PRKG2: variants seen among roughly 807,000 people sequenced by gnomAD.
PRKG2 encodes protein kinase cGMP-dependent 2.
Under a neutral mutation model 97.2 loss-of-function variants are expected in PRKG2, and 33 were observed. That is an observed-to-expected ratio of 0.34 (90% CI 0.26 to 0.45). PRKG2 has a LOEUF of 0.45. Among genes scored for constraint, PRKG2 ranks in the 20% least tolerant of loss-of-function variants. PRKG2 has a pLI of 1.00. For synonymous variants in PRKG2, 330 were observed against 321.8 expected (o/e 1.03, Z -0.27); for missense variants, 638 against 900.0 (o/e 0.71, Z 3.73).
chr4:81,168,390 A>G (rs1399573510), intron 5 of PRKG2, among the ~76,000 whole-genome samples: 3 of 152,148 alleles, frequency 2.0e-5, no homozygotes, highest in Non-Finnish European at 4.4e-5. Context: ...AGGGAAGGAA[A>G]GAATGAATAT....
At position 81,171,735 on chromosome 4, in the gene PRKG2, T is replaced by TC; in HGVS notation, c.697dup (p.Glu233GlyfsTer21). 6.2e-7 allele frequency: 1 copy of TC among 1,610,508 alleles called. No individual in the cohort carries two copies. On this transcript the variant is annotated frameshift_variant, in exon 4 of 19. Transcript: ENST00000264399. LOFTEE classifies it high-confidence loss of function. ...TGTACAATTGTATAAAATGGCAAGC[T>TC]CCCCAAATGTGGTCCACATAGGGAT...
At chr4:81,187,522 CAA>C (rs576895242) in intron 2 of PRKG2, among the ~76,000 whole-genome samples, 44 of 152,212 alleles carry the variant, frequency 2.9e-4, no homozygotes, top group Middle Eastern at 6.8e-3. Context: ...ACTGAATGGG[CAA>C]AATCTGGAAG....
At chr4:81,178,076 T>G (rs922710809) in intron 2 of PRKG2, among the ~76,000 whole-genome samples, 2 of 135,328 alleles carry the variant, frequency 1.5e-5, no homozygotes, top group African/African-American at 5.3e-5. Flanking sequence ...CCTGGGTGTC[T>G]ACCTGGGGTC....
Position 81,159,298 on chromosome 4 carries a change from G to A in PRKG2, c.913-5577C>T, listed in dbSNP as rs181987169. On this transcript the variant is annotated intron_variant, in intron 6 of 18. Transcript: ENST00000264399. ...ACAACCCCATCAAAAAGTGGGCAAC[G>A]GATATGAACAGACACTTCTCAAAAG... Among the ~76,000 whole-genome samples the A allele has an allele frequency of 2.2e-4, 34 of 152,132 alleles. No individual in the cohort carries two copies. The East Asian group carries it at 5.0e-3, about 22-fold the overall frequency.
intron 1 of PRKG2, among the ~76,000 whole-genome samples, chr4:81,211,341 A>G (rs1753962340): frequency 1.3e-5 from 2 of 152,224 alleles, no homozygotes; most frequent in African/African-American, 4.8e-5. Flanking sequence ...TAAAATTTCT[A>G]CAATATAGAA....
chr4:81,195,781 G>A (rs368710630), intron 2 of PRKG2, among the ~76,000 whole-genome samples: 18 of 152,114 alleles, frequency 1.2e-4, no homozygotes, highest in African/African-American at 3.4e-4. Flanking sequence ...TGACGGACAC[G>A]GGGTTGTTTC....
At chr4:81,114,468 A>G (rs1744301853) in intron 14 of PRKG2, among the ~76,000 whole-genome samples, 1 of 152,152 alleles carries the variant, frequency 6.6e-6, no homozygotes, top group African/African-American at 2.4e-5. Flanking sequence ...ATTGATGAGG[A>G]AGTAGAAGGT....
At chr4:81,099,391 T>C (rs1166348230) in intron 17 of PRKG2, among the ~76,000 whole-genome samples, 3 of 152,162 alleles carry the variant, frequency 2.0e-5, no homozygotes, top group Admixed American at 6.6e-5. Context: ...ATCCCTGGGA[T>C]GCAAGGCTGG....
intron 13 of PRKG2, 113 bp from the exon 14 acceptor site, chr4:81,135,409 G>A (rs1032037298): frequency 1.4e-4 from 156 of 1,105,048 alleles, no homozygotes; most frequent in Non-Finnish European, 1.9e-4. Flanking sequence ...ATATTTTGCA[G>A]GGTATCAACA....
At chr4:81,168,504 A>C (rs1046636373) in intron 5 of PRKG2, among the ~76,000 whole-genome samples, 2 of 152,078 alleles carry the variant, frequency 1.3e-5, no homozygotes, top group African/African-American at 4.8e-5. Flanking sequence ...TTCAAATACA[A>C]CCCAGGCACA....
intron 17 of PRKG2, among the ~76,000 whole-genome samples, chr4:81,100,282 G>C (rs139510916): frequency 0.019 from 2,932 of 152,058 alleles, 105 homozygotes; most frequent in African/African-American, 0.067. Context: ...AAGAACAAAG[G>C]TGGAGGCATC....
intron 2 of PRKG2, among the ~76,000 whole-genome samples, chr4:81,183,844 G>A (rs545932235): frequency 3.3e-5 from 5 of 152,228 alleles, no homozygotes; most frequent in Admixed American, 2.0e-4. Flanking sequence ...TTCAGTAGGC[G>A]GTTTTCCCCT....
chr4:81,104,906 A>T (rs1229841233), intron 16 of PRKG2, among the ~76,000 whole-genome samples: 1 of 152,192 alleles, frequency 6.6e-6, no homozygotes, highest in African/African-American at 2.4e-5. Context: ...AACAAAAAAA[A>T]TCCAGAAGTC....
chr4:81,122,771 G>T (rs1745188644), intron 14 of PRKG2, among the ~76,000 whole-genome samples: 1 of 152,166 alleles, frequency 6.6e-6, no homozygotes, highest in Non-Finnish European at 1.5e-5. Context: ...TTTGCAGAAT[G>T]AGACCAAAGT....
Position 81,088,191 on chromosome 4 carries a change from T to A in PRKG2, c.*1517A>T, listed in dbSNP as rs572926949. ...AGCAAAAGGATTATAAATGTGGAAA[T>A]CTAATTTGTTAAGGATGCACCTTTC... is the stretch of plus-strand genomic sequence containing the variant. On this transcript the variant is annotated 3_prime_UTR_variant, in exon 19 of 19. Transcript: ENST00000264399. The A allele has an allele frequency of 6.6e-6, 1 of 152,238 alleles. No individual in the cohort carries two copies. The highest frequency in any genetic ancestry group is 1.9e-4 in the East Asian group (1 of 5,188). The allele number at this position is 152,238 out of a possible 1,614,324, so 9.4% of individuals were successfully genotyped here.
At chr4:81,136,939 G>A (rs913728210) in intron 13 of PRKG2, among the ~76,000 whole-genome samples, 1 of 152,112 alleles carries the variant, frequency 6.6e-6, no homozygotes, top group Non-Finnish European at 1.5e-5. Flanking sequence ...TACATAGGTG[G>A]TGCTTAGTAA....
intron 2 of PRKG2, among the ~76,000 whole-genome samples, chr4:81,192,518 T>C (rs1752633048): frequency 6.6e-6 from 1 of 152,238 alleles, no homozygotes; most frequent in Non-Finnish European, 1.5e-5. Flanking sequence ...AATTTTAGCA[T>C]ACATGCTGCC....
At chr4:81,142,314 A>G (rs1001236615) in intron 11 of PRKG2, among the ~76,000 whole-genome samples, 2 of 152,202 alleles carry the variant, frequency 1.3e-5, no homozygotes, top group African/African-American at 4.8e-5. Context: ...TGAGCAACCC[A>G]AAAACAAAAT....
chr4:81,155,778 C>A (rs1749023966), intron 6 of PRKG2, among the ~76,000 whole-genome samples: 1 of 151,898 alleles, frequency 6.6e-6, no homozygotes, highest in African/African-American at 2.4e-5. Flanking sequence ...CAATATTCAA[C>A]ATTCTTAAAG....
Sources: allele counts gnomAD v4.1 joint callset (sites outside exome capture counted in the v4.1 genomes callset), GRCh38; gene constraint gnomAD v4.1.1; transcripts MANE v1.5; gene names NCBI Gene and HGNC (gene_info 2026-07-23, HGNC 2026-07-21).